Variants in WWTR1 observed in about 807,000 individuals in gnomAD.
WWTR1 encodes WW domain-containing transcription regulator protein 1.
WWTR1 carries 13 observed loss-of-function variants against 40.1 expected under a neutral mutation model. That is an observed-to-expected ratio of 0.32 (90% confidence interval 0.21 to 0.52). WWTR1 has a LOEUF of 0.52. Among genes scored for constraint, WWTR1 ranks in the 20% least tolerant of loss-of-function variants. WWTR1 has a pLI of 0.97. For synonymous variants in WWTR1, 230 were observed against 210.1 expected, an observed-to-expected ratio of 1.09 and a Z score of -0.82; for missense variants, 436 against 523.1, an observed-to-expected ratio of 0.83 and a Z score of 1.63.
intron 2 of WWTR1, 108 bp downstream of exon 2, chr3:149,656,768 C>G: frequency 1.4e-6 from 1 of 714,436 alleles, no homozygotes; most frequent in Non-Finnish European, 1.9e-6. Context: ...CTCTCTTTCT[C>G]TCTCTCTCTC....
At chr3:149,635,126 C>T (rs1201808991) in intron 2 of WWTR1, among the ~76,000 whole-genome samples, 1 of 152,244 alleles carries the variant, frequency 6.6e-6, no homozygotes, top group Non-Finnish European at 1.5e-5. Context: ...CAATGTTCCT[C>T]TTCTCCTGGC....
chr3:149,601,506 G>A (rs1739239551), intron 2 of WWTR1, among the ~76,000 whole-genome samples: 1 of 152,118 alleles, frequency 6.6e-6, no homozygotes. Flanking sequence ...CCAAGTGGAT[G>A]CATATTTCAA....
chr3:149,626,119 A>T (rs1029412542), intron 2 of WWTR1, among the ~76,000 whole-genome samples: 3 of 152,228 alleles, frequency 2.0e-5, no homozygotes, highest in Non-Finnish European at 4.4e-5. Flanking sequence ...AAACAAAAAC[A>T]TCACAGATGG....
At chr3:149,720,424 A>G (rs1482930050) in intron 4 of WWTR1, among the ~76,000 whole-genome samples, 1 of 152,158 alleles carries the variant, frequency 6.6e-6, no homozygotes, top group East Asian at 1.9e-4. Context: ...AAATCATTTG[A>G]CCATATATTT....
intron 2 of WWTR1, among the ~76,000 whole-genome samples, chr3:149,593,860 TATAC>T (rs1738848869): frequency 6.6e-6 from 1 of 152,250 alleles, no homozygotes; most frequent in Non-Finnish European, 1.5e-5. Context: ...CTAATTAAAA[TATAC>T]ATATTTTGTA....
At chr3:149,702,454 C>T (rs1715208490) in intron 1 of WWTR1, 2 of 136,896 alleles carry the variant, frequency 1.5e-5, no homozygotes, top group South Asian at 4.7e-4. Flanking sequence ...GTTACTCAAC[C>T]TCTCTAAGCC....
At chr3:149,677,450 G>T (rs9809294) in intron 1 of WWTR1, among the ~76,000 whole-genome samples, 91,328 of 151,912 alleles carry the variant, frequency 0.6, 27,584 homozygotes, top group East Asian at 0.68. Flanking sequence ...CCCATGACTT[G>T]GACTACCTTT....
At chr3:149,587,433 C>A (rs868777073) in intron 2 of WWTR1, among the ~76,000 whole-genome samples, 15 of 152,106 alleles carry the variant, frequency 9.9e-5, no homozygotes, top group Non-Finnish European at 1.8e-4. Flanking sequence ...AAAACAGACC[C>A]CACCCAAAAG....
upstream of WWTR1, among the ~76,000 whole-genome samples, chr3:149,705,540 G>A (rs571609667): frequency 4.6e-5 from 7 of 152,322 alleles, no homozygotes; most frequent in Non-Finnish European, 1.0e-4. Context: ...GTAACACTTA[G>A]GGGGAGAAAC....
Position 149,527,929 on chromosome 3 carries a change from G to A in WWTR1, c.812C>T (p.Thr271Ile). Residue 271 changes from threonine (T) to isoleucine (I), a missense_variant, in exon 5 of 7, where the codon ACT (threonine) becomes ATT (isoleucine). Thr to Ile is a moderately conservative substitution (Grantham distance 89). Transcript: ENST00000360632. ...GACAGCAGCCTGAACTGGGGCAAGA[G>A]TCTCAGCTTCCATGGGGAGCTGTCG... is the stretch of plus-strand genomic sequence containing the variant. ...LCRQLPMEAE[T>I]LAPVQAAVNP... 2 of 1,614,068 alleles carry A rather than the reference G, an allele frequency of 1.2e-6. No individual in the cohort carries two copies.
At chr3:149,696,570 A>C (rs1189933247) in intron 1 of WWTR1, among the ~76,000 whole-genome samples, 1 of 152,252 alleles carries the variant, frequency 6.6e-6, no homozygotes, top group Non-Finnish European at 1.5e-5. Context: ...TGGTTCTGCT[A>C]TCAGGAAACA....
At chr3:149,693,684 A>C (rs1295245871) in intron 1 of WWTR1, among the ~76,000 whole-genome samples, 1 of 152,178 alleles carries the variant, frequency 6.6e-6, no homozygotes, top group Non-Finnish European at 1.5e-5. Context: ...CCCAGAAATC[A>C]ATCTATACAT....
intron 5 of WWTR1, among the ~76,000 whole-genome samples, chr3:149,714,465 C>T (rs1715551421): frequency 6.6e-6 from 1 of 152,230 alleles, no homozygotes; most frequent in Non-Finnish European, 1.5e-5. Flanking sequence ...GGGGCCAAGC[C>T]CGGGCGCTGT....
upstream of WWTR1, among the ~76,000 whole-genome samples, chr3:149,662,409 A>G (rs949000569): frequency 2.6e-5 from 4 of 152,190 alleles, no homozygotes; most frequent in African/African-American, 9.7e-5. Context: ...ATTTGCAAAC[A>G]CTTTCCAACA....
chr3:149,711,715 T>C (rs1325482961), intron 5 of WWTR1, among the ~76,000 whole-genome samples: 1 of 152,214 alleles, frequency 6.6e-6, no homozygotes, highest in African/African-American at 2.4e-5. Flanking sequence ...CCAGTCTCTC[T>C]TTCTTAAAAC....
intron 2 of WWTR1, among the ~76,000 whole-genome samples, chr3:149,613,652 A>T (rs1449297860): frequency 6.6e-6 from 1 of 152,050 alleles, no homozygotes; most frequent in Non-Finnish European, 1.5e-5. Flanking sequence ...AGTTCAAGTG[A>T]TCCTCCCACC....
At chr3:149,657,376 G>A in intron 1 of WWTR1, 67 bp from the exon 2 acceptor site, 1 of 1,482,988 alleles carries the variant, frequency 6.7e-7, no homozygotes, top group Non-Finnish European at 9.0e-7. Flanking sequence ...GGGTTACAGG[G>A]TGAGAGGGCG....
Position 149,720,650 on chromosome 3 carries a change from CA to C in WWTR1, n.460-3085del, listed in dbSNP as rs1033117861. 3.3e-4 allele frequency among the ~76,000 whole-genome samples: 48 copies of C among 144,412 alleles called. 1 individual carries two copies. The South Asian group carries it at 3.5e-3, about 11-fold the overall frequency. 94.7% of individuals were successfully genotyped at this position (144,412 alleles called of 152,430 possible). ...ATTAAGATTTGTTTTCCTATTTTTG[CA>C]AAAAAAAAACCTACTTGTTTGATAG... On this transcript the variant is annotated intron_variant and non_coding_transcript_variant, in intron 4 of 6. Transcript: ENST00000474080.
intron 2 of WWTR1, among the ~76,000 whole-genome samples, chr3:149,645,124 G>T (rs1712422538): frequency 8.8e-6 from 1 of 113,956 alleles, no homozygotes; most frequent in African/African-American, 3.3e-5. Flanking sequence ...CTGTCGCCCA[G>T]GCTGGAGTGC....
Sources: allele counts gnomAD v4.1 joint callset (sites outside exome capture counted in the v4.1 genomes callset), GRCh38; gene constraint gnomAD v4.1.1; transcripts MANE v1.5; gene names NCBI Gene and HGNC (gene_info 2026-07-23, HGNC 2026-07-21).